The following PHACTR4 variants were observed in gnomAD, a reference collection of about 807,000 sequenced individuals.
The protein encoded by PHACTR4 is protein phosphatase 1, regulatory subunit 124.
In PHACTR4, 51 loss-of-function variants were observed where a neutral mutation model predicts 72.7. The observed-to-expected ratio is 0.70, with a 90% CI of 0.56 to 0.89. The LOEUF (loss-of-function observed/expected upper bound fraction) is 0.89. PHACTR4 is among the 40% of genes least tolerant of loss of function. PHACTR4 has a pLI of 0.00. For missense variants in PHACTR4, 731 were observed against 861.8 expected, an observed-to-expected ratio of 0.85 and a Z score of 1.90; for synonymous variants, 255 against 302.5, an observed-to-expected ratio of 0.84 and a Z score of 1.63.
chr1:28,442,501 G>A (rs1464038957), intron 2 of PHACTR4, among the ~76,000 whole-genome samples: 1 of 151,734 alleles, frequency 6.6e-6, no homozygotes, highest in African/African-American at 2.4e-5. Context: ...GTTTGTTTGT[G>A]TATTTATTTA....
At position 28,388,710 on chromosome 1, in the gene PHACTR4, C is replaced by T. The variant is rs927349494; in HGVS notation, c.-38-18700C>T. ...ACTAAAAATACAAAAATTAGCTGGG[C>T]GTGGTGGTGTGCACCTGTAGTCCCA... On this transcript the variant is annotated intron_variant, in intron 1 of 13. Coordinates refer to ENST00000373839, the MANE Select transcript of PHACTR4 (RefSeq NM_001048183.3). 1.4e-4 allele frequency among the ~76,000 whole-genome samples: 21 copies of T among 152,156 alleles called. 1 individual carries two copies. The highest frequency in any genetic ancestry group is 3.4e-3 in the Middle Eastern group (1 of 294).
At chr1:28,479,920 A>G (rs1660177096) in intron 8 of PHACTR4, among the ~76,000 whole-genome samples, 1 of 152,182 alleles carries the variant, frequency 6.6e-6, no homozygotes, top group Non-Finnish European at 1.5e-5. Flanking sequence ...CAAAAAAACC[A>G]ACAACAATAT....
chr1:28,484,948 A>T (rs1489978439), intron 9 of PHACTR4, among the ~76,000 whole-genome samples: 1 of 152,140 alleles, frequency 6.6e-6, no homozygotes, highest in Non-Finnish European at 1.5e-5. Flanking sequence ...CCTGGGCAAC[A>T]AGAGCAAAAG....
chr1:28,379,851 A>C (rs1227154837), intron 1 of PHACTR4, among the ~76,000 whole-genome samples: 2 of 151,586 alleles, frequency 1.3e-5, no homozygotes, highest in Non-Finnish European at 2.9e-5. Flanking sequence ...GGCCTCCCAA[A>C]GTGCTGGGAT....
intron 2 of PHACTR4, among the ~76,000 whole-genome samples, chr1:28,451,590 T>G (rs1657978360): frequency 6.6e-6 from 1 of 151,912 alleles, no homozygotes; most frequent in South Asian, 2.1e-4. Context: ...TTGTAGCAGT[T>G]TTAGAGATAA....
intron 2 of PHACTR4, among the ~76,000 whole-genome samples, chr1:28,424,777 C>T (rs1205372773): frequency 1.3e-5 from 2 of 151,786 alleles, no homozygotes; most frequent in Admixed American, 1.3e-4. Flanking sequence ...TGTGAGCCAC[C>T]GTGGCTGGCC....
At chr1:28,438,395 C>T (rs758098294) in intron 2 of PHACTR4, 1 of 1,612,338 alleles carries the variant, frequency 6.2e-7, no homozygotes, top group South Asian at 1.1e-5. Context: ...ATGGGACAAG[C>T]TGATGTCTCC....
intron 2 of PHACTR4, chr1:28,438,523 G>T: frequency 7.5e-7 from 1 of 1,325,504 alleles, no homozygotes; most frequent in South Asian, 1.3e-5. Flanking sequence ...TTAAACACGA[G>T]AATGTTGATG....
At chr1:28,416,497 A>AT (rs966621833) in intron 2 of PHACTR4, among the ~76,000 whole-genome samples, 1 of 152,190 alleles carries the variant, frequency 6.6e-6, no homozygotes, top group Non-Finnish European at 1.5e-5. Context: ...TTATGTAATT[A>AT]TTTTTTCTGT....
chr1:28,466,569 C>T lies in PHACTR4; in HGVS notation c.624C>T (p.Pro208=), dbSNP rs762059059. 72 of 1,614,006 alleles carry T rather than the reference C, an allele frequency of 4.5e-5. 1 individual carries two copies. The African/African-American group carries it at 6.9e-4, about 16-fold the overall frequency. ...FIISTSITTA[P]AATTAATSLA... ...TCTCCACCTCCATCACCACAGCACC[C>T]GCTGCCACCACTGCTGCCACAAGCC... Residue 208 remains proline (P), a synonymous_variant, in exon 6 of 14, where the codon CCC becomes CCT. Transcript: ENST00000373839.
At chr1:28,494,733 T>G (rs1207211312) in intron 13 of PHACTR4, among the ~76,000 whole-genome samples, 1 of 152,228 alleles carries the variant, frequency 6.6e-6, no homozygotes, top group Non-Finnish European at 1.5e-5. Context: ...ACAGAAAATG[T>G]AGCTGGATCA....
chr1:28,496,461 A>C (rs897055753), intron 13 of PHACTR4, 73 bp from the exon 14 acceptor site: 11 of 1,527,738 alleles, frequency 7.2e-6, no homozygotes, highest in Non-Finnish European at 1.0e-5. Flanking sequence ...ATAACATTTC[A>C]TTACTACTGA....
intron 10 of PHACTR4, 61 bp from the exon 11 acceptor site, chr1:28,490,890 C>T (rs960384068): frequency 1.0e-5 from 15 of 1,447,670 alleles, no homozygotes; most frequent in Admixed American, 3.4e-5. Context: ...ATTACTAAAA[C>T]GTTTGATATG....
At chr1:28,407,359 G>T in intron 1 of PHACTR4, 51 bp from the exon 2 acceptor site, 2 of 950,444 alleles carry the variant, frequency 2.1e-6, no homozygotes, top group South Asian at 1.6e-5. Flanking sequence ...AAGCATAAAA[G>T]GTGATGGACT....
intron 1 of PHACTR4, among the ~76,000 whole-genome samples, chr1:28,391,288 A>C (rs1411384521): frequency 6.7e-6 from 1 of 149,372 alleles, no homozygotes; most frequent in Non-Finnish European, 1.5e-5. Flanking sequence ...AGTCCCAGCT[A>C]CTCGGGAGGC....
Position 28,496,710 on chromosome 1 carries a change from G to A in PHACTR4, c.*161G>A, listed in dbSNP as rs1661384780. 2 of 813,758 alleles carry A rather than the reference G, an allele frequency of 2.5e-6. No homozygotes were observed. Among genetic ancestry groups the A allele is most frequent in the Non-Finnish European group, 4.1e-6 (2 of 485,444 alleles). 50.4% of individuals were successfully genotyped at this position (813,758 alleles called of 1,614,324 possible). A position where few individuals can be genotyped will look rare whatever the true frequency, so the allele number is the denominator to read the frequency against. ...TTGAATGTAGCATTTCACTGGAACAGAGTCTTATGTGCTGCACCGGGGGCA... is the reference window on the plus strand; with the variant it reads ...TTGAATGTAGCATTTCACTGGAACAAAGTCTTATGTGCTGCACCGGGGGCA... On this transcript the variant is annotated 3_prime_UTR_variant, in exon 14 of 14. Coordinates refer to ENST00000373839, the MANE Select transcript of PHACTR4 (RefSeq NM_001048183.3).
At chr1:28,380,389 G>A (rs763645593) in intron 1 of PHACTR4, among the ~76,000 whole-genome samples, 1 of 152,120 alleles carries the variant, frequency 6.6e-6, no homozygotes, top group African/African-American at 2.4e-5. Context: ...AGATATATGT[G>A]CATGGTTTGG....
chr1:28,410,907 A>G (rs1654737852), intron 2 of PHACTR4, among the ~76,000 whole-genome samples: 1 of 151,774 alleles, frequency 6.6e-6, no homozygotes, highest in South Asian at 2.1e-4. Flanking sequence ...AGGTTTCACC[A>G]TGTTGGCCAG....
intron 2 of PHACTR4, among the ~76,000 whole-genome samples, chr1:28,417,948 CAA>C (rs745690078): frequency 0.37 from 30,638 of 83,040 alleles, 2,840 homozygotes; most frequent in Middle Eastern, 0.45. Flanking sequence ...GGAGACCCTA[CAA>C]AAAAAAAAAA....
Sources: allele counts gnomAD v4.1 joint callset (sites outside exome capture counted in the v4.1 genomes callset), GRCh38; gene constraint gnomAD v4.1.1; transcripts MANE v1.5; gene names NCBI Gene and HGNC (gene_info 2026-07-23, HGNC 2026-07-21).